KIAA0825: variants seen among roughly 807,000 people sequenced by gnomAD.
The protein encoded by KIAA0825 is uncharacterized protein KIAA0825.
In KIAA0825, 119 loss-of-function variants were observed where a neutral mutation model predicts 147.6. The observed-to-expected ratio is 0.81, with a 90% confidence interval of 0.69 to 0.94. KIAA0825 has a LOEUF of 0.94. Among genes scored for constraint, KIAA0825 ranks in the 40% least tolerant of loss-of-function variants. The probability of loss-of-function intolerance (pLI) is 0.00; values close to 1 mark genes in which losing one functional copy is unlikely to be tolerated. For missense variants in KIAA0825, 1,381 were observed against 1,472.7 expected (o/e 0.94, Z 1.02); for synonymous variants, 470 against 518.1 (o/e 0.91, Z 1.26).
chr5:94,603,269 T>A (rs1043732539), intron 1 of KIAA0825, among the ~76,000 whole-genome samples: 2 of 152,190 alleles, frequency 1.3e-5, no homozygotes, highest in African/African-American at 4.8e-5. Context: ...GGGGCCAATA[T>A]TTAGCATTCT....
chr5:94,403,754 C>T lies in KIAA0825; in HGVS notation c.2702G>A (p.Cys901Tyr). The T allele has an allele frequency of 6.4e-7, 1 of 1,551,558 alleles. No homozygotes were observed. ...GGCATCGGTCAGTGCCAGTCTCAAG[C>T]ATCGGATGACCTCTAGCTCGTACTC... Reference protein sequence around the residue: ...CVEYELEVIRCLRLALTDAIK... With the variant: ...CVEYELEVIRYLRLALTDAIK... The change falls in exon 16 of 21, where the codon TGC (cysteine) becomes TAC (tyrosine). Residue 901 changes from cysteine to tyrosine, a missense_variant. Transcript: ENST00000682413.
At chr5:94,406,753 C>G (rs1030504329) in intron 15 of KIAA0825, among the ~76,000 whole-genome samples, 1 of 152,200 alleles carries the variant, frequency 6.6e-6, no homozygotes, top group African/African-American at 2.4e-5. Flanking sequence ...GCAAGTTCTA[C>G]TATGGCCTTG....
chr5:94,227,687 C>T (rs1464661388), intron 20 of KIAA0825, among the ~76,000 whole-genome samples: 2 of 151,784 alleles, frequency 1.3e-5, no homozygotes, highest in Non-Finnish European at 2.9e-5. Flanking sequence ...ATGGATGAAG[C>T]TGGAAACCAT....
intron 14 of KIAA0825, among the ~76,000 whole-genome samples, chr5:94,439,613 C>T (rs896783326): frequency 3.3e-5 from 5 of 152,158 alleles, no homozygotes; most frequent in African/African-American, 1.2e-4. Context: ...CTGTCTCTGT[C>T]TGTCTCTGTC....
At chr5:94,241,906 A>G (rs1456779591) in intron 20 of KIAA0825, among the ~76,000 whole-genome samples, 6 of 152,204 alleles carry the variant, frequency 3.9e-5, no homozygotes, top group Non-Finnish European at 7.3e-5. Context: ...AGGTTACTTC[A>G]TAGAAGCACT....
chr5:94,427,152 T>A (rs1754997661), intron 14 of KIAA0825, among the ~76,000 whole-genome samples: 1 of 152,238 alleles, frequency 6.6e-6, no homozygotes, highest in South Asian at 2.1e-4. Flanking sequence ...CCATCTACTC[T>A]GAAACCATAT....
Position 94,586,514 on chromosome 5 carries a change from T to C in KIAA0825, c.-152-3931A>G, listed in dbSNP as rs866437481. ...GGAAGAAGCTGAATCTCTGAATAGA[T>C]GAATAACAAACAGGTTCTGAAATAG... On this transcript the variant is annotated intron_variant, in intron 1 of 20. Coordinates refer to ENST00000682413, the MANE Select transcript of KIAA0825 (RefSeq NM_001145678.3). Among the ~76,000 whole-genome samples the C allele has an allele frequency of 5.3e-5, 8 of 151,642 alleles. No homozygotes were observed. In the South Asian group the frequency reaches 1.5e-3, roughly 28 times the overall value.
At chr5:94,207,059 C>G (rs1396791564) in intron 20 of KIAA0825, among the ~76,000 whole-genome samples, 2 of 152,046 alleles carry the variant, frequency 1.3e-5, no homozygotes, top group Non-Finnish European at 2.9e-5. Context: ...TTCTTCTACT[C>G]TCCAATTCAG....
intron 6 of KIAA0825, among the ~76,000 whole-genome samples, chr5:94,480,293 T>C (rs754375106): frequency 2.0e-5 from 3 of 152,102 alleles, no homozygotes; most frequent in Non-Finnish European, 4.4e-5. Context: ...TAAATTGTTA[T>C]AAAAGAGAAT....
intron 4 of KIAA0825, 109 bp downstream of exon 4, chr5:94,523,821 A>G: frequency 1.6e-6 from 1 of 637,584 alleles, no homozygotes; most frequent in African/African-American, 1.9e-5. Context: ...ACCCCTATGT[A>G]TGGCAGGCTA....
intron 20 of KIAA0825, among the ~76,000 whole-genome samples, chr5:94,337,478 A>G (rs189876878): frequency 9.2e-4 from 140 of 152,266 alleles, no homozygotes; most frequent in African/African-American, 3.2e-3. Flanking sequence ...GTTTACATTT[A>G]TTATTCTTTG....
At chr5:94,341,078 G>T (rs1782320321) in intron 20 of KIAA0825, among the ~76,000 whole-genome samples, 1 of 152,164 alleles carries the variant, frequency 6.6e-6, no homozygotes, top group South Asian at 2.1e-4. Context: ...ATAATATTCA[G>T]CTTCAAAAAG....
intron 20 of KIAA0825, among the ~76,000 whole-genome samples, chr5:94,280,851 C>T (rs1777424653): frequency 6.6e-6 from 1 of 152,064 alleles, no homozygotes; most frequent in Non-Finnish European, 1.5e-5. Context: ...AAAAGAAGCC[C>T]ATTTCAAAAT....
chr5:94,346,439 C>T (rs1273641582), intron 20 of KIAA0825, among the ~76,000 whole-genome samples: 1 of 152,162 alleles, frequency 6.6e-6, no homozygotes, highest in Non-Finnish European at 1.5e-5. Flanking sequence ...GATTCACAGA[C>T]CCTCCAAAGG....
intron 20 of KIAA0825, among the ~76,000 whole-genome samples, chr5:94,287,307 C>A (rs1777704772): frequency 6.6e-6 from 1 of 152,152 alleles, no homozygotes. Flanking sequence ...ATCCAAAGGT[C>A]TGCAATGCTA....
chr5:94,369,138 A>G (rs1306443805), intron 20 of KIAA0825, among the ~76,000 whole-genome samples: 1 of 152,152 alleles, frequency 6.6e-6, no homozygotes, highest in East Asian at 1.9e-4. Flanking sequence ...AGCCTAGGTG[A>G]CAGAGTGAGA....
At chr5:94,542,789 G>A (rs949211898) in intron 2 of KIAA0825, among the ~76,000 whole-genome samples, 2 of 151,772 alleles carry the variant, frequency 1.3e-5, no homozygotes, top group Admixed American at 6.6e-5. Context: ...CCTGGGTGAC[G>A]GAGCGAGATT....
Position 94,451,919 on chromosome 5 carries a change from G to C in KIAA0825, c.2357+1040C>G, listed in dbSNP as rs554744608. On this transcript the variant is annotated intron_variant, in intron 13 of 20. Transcript: ENST00000682413. Reference sequence around the variant, plus strand: ...AGAGATCCAGTCGTTTGTTACTTTTGCAACAATGAGTATTAAGGAGTTGGC... The same window carrying C: ...AGAGATCCAGTCGTTTGTTACTTTTCCAACAATGAGTATTAAGGAGTTGGC... Among the ~76,000 whole-genome samples, 3 of 150,886 alleles carry C rather than the reference G, an allele frequency of 2.0e-5. No homozygotes were observed. In the East Asian group the frequency reaches 6.1e-4, roughly 30 times the overall value.
At chr5:94,452,768 T>C (rs535093874) in intron 13 of KIAA0825, among the ~76,000 whole-genome samples, 191 bp downstream of exon 13, 2 of 152,190 alleles carry the variant, frequency 1.3e-5, no homozygotes, top group Non-Finnish European at 2.9e-5. Context: ...GTAGAATAAT[T>C]ATGAGGCCCA....
Sources: allele counts gnomAD v4.1 joint callset (sites outside exome capture counted in the v4.1 genomes callset), GRCh38; gene constraint gnomAD v4.1.1; transcripts MANE v1.5; gene names NCBI Gene and HGNC (gene_info 2026-07-23, HGNC 2026-07-21).